CRB1: variants seen among roughly 807,000 people sequenced by gnomAD.
The protein encoded by CRB1 is crumbs cell polarity complex component 1.
Under a neutral mutation model 120.0 loss-of-function variants are expected in CRB1, and 83 were observed. The observed-to-expected ratio is 0.69, with a 90% CI of 0.58 to 0.83. CRB1 has a LOEUF of 0.83. CRB1 is among the 40% of genes least tolerant of loss of function. The pLI is 0.00. For missense variants in CRB1, 1,699 were observed against 1,687.6 expected (o/e 1.01, Z -0.12); for synonymous variants, 625 against 612.5 (o/e 1.02, Z -0.30).
chr1:197,224,012 T>C, the CRB1 span, among the ~76,000 whole-genome samples: 1 of 152,156 alleles, frequency 6.6e-6, no homozygotes, highest in South Asian at 2.1e-4. Context: ...GTGGTCCAAC[T>C]TCATCCTGTA....
chr1:197,245,316 G>A, the CRB1 span, among the ~76,000 whole-genome samples: 1 of 152,012 alleles, frequency 6.6e-6, no homozygotes, highest in Admixed American at 6.6e-5. Flanking sequence ...ACTCATAGAA[G>A]CATTTCTATG....
chr1:197,366,316 T>C (rs1661074853), intron 5 of CRB1, among the ~76,000 whole-genome samples: 1 of 152,176 alleles, frequency 6.6e-6, no homozygotes, highest in Non-Finnish European at 1.5e-5. Context: ...TATTTATAGC[T>C]CTATTGGTTG....
At chr1:197,418,349 G>A (rs951571058) in intron 5 of CRB1, among the ~76,000 whole-genome samples, 6 of 152,074 alleles carry the variant, frequency 3.9e-5, no homozygotes, top group African/African-American at 1.4e-4. Context: ...GTGCTTCCCA[G>A]GATAATTGTA....
intron 1 of CRB1, among the ~76,000 whole-genome samples, chr1:197,316,768 C>CA (rs1558049151): frequency 1.3e-5 from 2 of 151,718 alleles, no homozygotes; most frequent in East Asian, 1.9e-4. Context: ...ATGACTTCAC[C>CA]AAAAAACCAT....
At chr1:197,319,466 C>T (rs1484435796) in intron 1 of CRB1, among the ~76,000 whole-genome samples, 1 of 108,098 alleles carries the variant, frequency 9.3e-6, no homozygotes, top group Non-Finnish European at 2.0e-5. Context: ...AAAGAAAGAA[C>T]GGAGAATATT....
intron 1 of CRB1, among the ~76,000 whole-genome samples, chr1:197,323,164 A>G (rs1658300796): frequency 6.6e-6 from 1 of 152,216 alleles, no homozygotes; most frequent in African/African-American, 2.4e-5. Context: ...AGTGGAATGA[A>G]CTAGAGTTCG....
At chr1:197,248,867 G>A in the CRB1 span, among the ~76,000 whole-genome samples, 1 of 151,888 alleles carries the variant, frequency 6.6e-6, no homozygotes, top group Non-Finnish European at 1.5e-5. Context: ...AGGAACAGAT[G>A]TCTTAAAGTA....
chr1:197,222,008 T>C, the CRB1 span, among the ~76,000 whole-genome samples: 2 of 152,212 alleles, frequency 1.3e-5, no homozygotes, highest in Non-Finnish European at 2.9e-5. Context: ...ATCAAATATA[T>C]AGTGGAGGAT....
chr1:197,383,684 G>A (rs1360983452), intron 5 of CRB1, among the ~76,000 whole-genome samples: 1 of 152,170 alleles, frequency 6.6e-6, no homozygotes, highest in African/African-American at 2.4e-5. Flanking sequence ...CTACCATGAA[G>A]CTCGGAGTTT....
chr1:197,453,512 A>ATGTG (rs201599640), intron 11 of CRB1, among the ~76,000 whole-genome samples: 59 of 131,182 alleles, frequency 4.5e-4, no homozygotes, highest in South Asian at 2.1e-3. Flanking sequence ...GTGTATATAT[A>ATGTG]TGTGTGTGTG....
rs139649077 is a variant in CRB1 at position 197,369,990 on chromosome 1, C to T, written c.1171+12977C>T. Among the ~76,000 whole-genome samples the T allele has an allele frequency of 3.2e-4, 49 of 152,178 alleles. 1 individual carries two copies. Among genetic ancestry groups the T allele is most frequent in the African/African-American group, 1.1e-3 (45 of 41,530 alleles). On this transcript the variant is annotated intron_variant, in intron 5 of 11. Transcript: ENST00000367400. ...TAAGCTAAATGTCCTCATGTCATTGCTTCATCTAGGAAATTAGTCTTCCAT... is the reference window on the plus strand; with the variant it reads ...TAAGCTAAATGTCCTCATGTCATTGTTTCATCTAGGAAATTAGTCTTCCAT...
At chr1:197,302,170 C>G (rs77876528) in intron 1 of CRB1, among the ~76,000 whole-genome samples, 8,693 of 152,266 alleles carry the variant, frequency 0.057, 298 homozygotes, top group East Asian at 0.075. Flanking sequence ...CAGCCTTCAG[C>G]AACCATCACC....
chr1:197,442,175 G>A lies in CRB1; in HGVS notation c.3888G>A (p.Lys1296=). 1 of 1,614,118 alleles carries A rather than the reference G, an allele frequency of 6.2e-7. No homozygotes were observed. Among genetic ancestry groups the A allele is most frequent in the Non-Finnish European group, 8.5e-7 (1 of 1,180,004 alleles). Reference sequence around the variant, plus strand: ...TCTGTTTATTTTGAAGGTGTGAAAAGGACATTGATGAGTGTGCCTCTGATC... The same window carrying A: ...TCTGTTTATTTTGAAGGTGTGAAAAAGACATTGATGAGTGTGCCTCTGATC... The part of the protein sequence containing the change: ...RPGFTGEWCE[K]DIDECASDPC... Residue 1296 remains lysine (K), a synonymous_variant, in exon 11 of 12, where the codon AAG becomes AAA. Coordinates refer to ENST00000367400, the MANE Select transcript of CRB1 (RefSeq NM_201253.3).
chr1:197,223,866 T>G, the CRB1 span, among the ~76,000 whole-genome samples: 1 of 152,156 alleles, frequency 6.6e-6, no homozygotes, highest in Non-Finnish European at 1.5e-5. Context: ...ATACTAAAAA[T>G]ATTACATTTA....
At chr1:197,444,907 A>ACACC (rs1491501544) in intron 11 of CRB1, 2 of 2,122 alleles carry the variant, frequency 9.4e-4, no homozygotes, top group Non-Finnish European at 0.026. Flanking sequence ...AGCCATGCAT[A>ACACC]CACACACACA....
At chr1:197,435,784 A>G (rs929421116) in intron 9 of CRB1, among the ~76,000 whole-genome samples, 172 bp downstream of exon 9, 10 of 152,146 alleles carry the variant, frequency 6.6e-5, no homozygotes, top group African/African-American at 2.4e-4. Flanking sequence ...CTCACTTACC[A>G]GGATATTCTA....
At chr1:197,248,677 A>C in the CRB1 span, among the ~76,000 whole-genome samples, 1 of 151,988 alleles carries the variant, frequency 6.6e-6, no homozygotes, top group Non-Finnish European at 1.5e-5. Context: ...TCAGGTCATG[A>C]TTAAATTGTG....
the CRB1 span, among the ~76,000 whole-genome samples, chr1:197,242,815 G>T: frequency 6.6e-6 from 1 of 151,950 alleles, no homozygotes; most frequent in South Asian, 2.1e-4. Context: ...CGCTTTTTTT[G>T]GTTGGTAGGT....
intron 1 of CRB1, among the ~76,000 whole-genome samples, chr1:197,312,138 G>A (rs1041002678): frequency 3.3e-5 from 5 of 152,076 alleles, no homozygotes; most frequent in African/African-American, 9.7e-5. Context: ...AAAAATATGT[G>A]TATATAATCA....
Sources: allele counts gnomAD v4.1 joint callset (sites outside exome capture counted in the v4.1 genomes callset), GRCh38; gene constraint gnomAD v4.1.1; transcripts MANE v1.5; gene names NCBI Gene and HGNC (gene_info 2026-07-23, HGNC 2026-07-21).